Variants in RAB38 observed in about 807,000 individuals in gnomAD.
RAB38 encodes RAB38, member RAS oncogene family.
Under a neutral mutation model 18.4 loss-of-function variants are expected in RAB38, and 15 were observed. That is an observed-to-expected ratio of 0.82 (90% CI 0.55 to 1.26). The LOEUF (loss-of-function observed/expected upper bound fraction) is 1.26, where lower values mean the gene tolerates loss of function less well. Ranked by LOEUF, RAB38 falls within the 50% of genes most tolerant of loss-of-function variation. The pLI is 0.00. For synonymous variants in RAB38, 101 were observed against 104.4 expected, an observed-to-expected ratio of 0.97 and a Z score of 0.20; for missense variants, 294 against 267.4, an observed-to-expected ratio of 1.10 and a Z score of -0.69.
chr11:87,852,177 T>C, the RAB38 span, among the ~76,000 whole-genome samples: 1 of 152,074 alleles, frequency 6.6e-6, no homozygotes, highest in African/African-American at 2.4e-5. Flanking sequence ...AGAGAGCACC[T>C]GTCACATGAA....
the RAB38 span, among the ~76,000 whole-genome samples, chr11:88,042,048 AAT>A: frequency 5.3e-5 from 8 of 152,180 alleles, no homozygotes; most frequent in Admixed American, 4.6e-4. Context: ...GGAGGCATAT[AAT>A]AGATTTCTTC....
intron 1 of RAB38, among the ~76,000 whole-genome samples, chr11:88,156,612 G>C (rs1461756689): frequency 6.6e-6 from 1 of 152,180 alleles, no homozygotes; most frequent in Non-Finnish European, 1.5e-5. Flanking sequence ...TGAGGCAGGA[G>C]AAACACTTGA....
the RAB38 span, among the ~76,000 whole-genome samples, chr11:88,088,867 T>TCTCATAGA: frequency 3.3e-5 from 5 of 151,634 alleles, no homozygotes; most frequent in Non-Finnish European, 7.4e-5. Flanking sequence ...AAAATATGTC[T>TCTCATAGA]CTCATAGACG....
the RAB38 span, among the ~76,000 whole-genome samples, chr11:87,838,318 G>A: frequency 2.0e-5 from 3 of 152,140 alleles, no homozygotes; most frequent in East Asian, 5.8e-4. Context: ...GTTTCACCGT[G>A]TTAGCCAGGA....
chr11:87,840,082 A>G, the RAB38 span, among the ~76,000 whole-genome samples: 2 of 152,200 alleles, frequency 1.3e-5, no homozygotes, highest in Non-Finnish European at 2.9e-5. Context: ...TCTCTTACAC[A>G]AAGAAGGCTC....
chr11:88,031,881 T>C, the RAB38 span, among the ~76,000 whole-genome samples: 1 of 152,096 alleles, frequency 6.6e-6, no homozygotes, highest in Admixed American at 6.5e-5. Flanking sequence ...AAAAACTACT[T>C]TGAAGTTCAT....
chr11:87,854,570 C>CA, the RAB38 span, among the ~76,000 whole-genome samples: 2 of 152,008 alleles, frequency 1.3e-5, no homozygotes, highest in Non-Finnish European at 2.9e-5. Flanking sequence ...CAAGTAAAGA[C>CA]ATGATAAATG....
At chr11:87,850,668 CTGAT>C in the RAB38 span, among the ~76,000 whole-genome samples, 1 of 151,446 alleles carries the variant, frequency 6.6e-6, no homozygotes, top group South Asian at 2.1e-4. Context: ...ACACCCAAGA[CTGAT>C]TGAAGAATTA....
the RAB38 span, chr11:88,060,184 TG>T: frequency 9.2e-5 from 14 of 152,214 alleles, no homozygotes; most frequent in Non-Finnish European, 1.9e-4. Flanking sequence ...AGCACGTTTT[TG>T]ATCAGAACTG....
the RAB38 span, among the ~76,000 whole-genome samples, chr11:87,828,560 A>G: frequency 6.6e-6 from 1 of 152,252 alleles, no homozygotes; most frequent in South Asian, 2.1e-4. Flanking sequence ...TGCCTGTTGC[A>G]TATAGCCAGT....
intron 2 of RAB38, among the ~76,000 whole-genome samples, chr11:88,126,985 T>A (rs969779907): frequency 3.3e-5 from 5 of 152,186 alleles, no homozygotes; most frequent in Admixed American, 2.6e-4. Context: ...TATATGAGAC[T>A]GGAGGGGCAA....
chr11:87,943,656 T>C, the RAB38 span, among the ~76,000 whole-genome samples: 1 of 152,152 alleles, frequency 6.6e-6, no homozygotes, highest in South Asian at 2.1e-4. Flanking sequence ...TTAGGGGATT[T>C]GGGAGAGGCC....
chr11:87,838,779 T>C, the RAB38 span, among the ~76,000 whole-genome samples: 3 of 152,364 alleles, frequency 2.0e-5, no homozygotes, highest in East Asian at 5.8e-4. Flanking sequence ...GAAATAGTTT[T>C]GCCAGCTCAT....
At chr11:88,153,212 A>C (rs1943084610) in intron 1 of RAB38, among the ~76,000 whole-genome samples, 1 of 152,200 alleles carries the variant, frequency 6.6e-6, no homozygotes, top group Non-Finnish European at 1.5e-5. Context: ...CTTATCTATA[A>C]AATGAACTTG....
chr11:87,851,975 G>A, the RAB38 span, among the ~76,000 whole-genome samples: 4 of 152,238 alleles, frequency 2.6e-5, no homozygotes, highest in African/African-American at 7.2e-5. Context: ...AAGACCTAAA[G>A]AAACAGTTAA....
intron 2 of RAB38, among the ~76,000 whole-genome samples, chr11:88,131,598 T>C (rs1942768573): frequency 6.6e-6 from 1 of 152,232 alleles, no homozygotes; most frequent in African/African-American, 2.4e-5. Context: ...TGAATGTGCT[T>C]GATCTCATCT....
chr11:88,029,768 C>T, the RAB38 span, among the ~76,000 whole-genome samples: 4 of 152,026 alleles, frequency 2.6e-5, no homozygotes, highest in Non-Finnish European at 5.9e-5. Flanking sequence ...TAGACTCCCA[C>T]ACATTAATAA....
At chr11:87,823,861 A>C in the RAB38 span, among the ~76,000 whole-genome samples, 1 of 152,226 alleles carries the variant, frequency 6.6e-6, no homozygotes, top group Non-Finnish European at 1.5e-5. Flanking sequence ...AGAGTGAAAG[A>C]GGCTAGACTC....
At chr11:88,169,716 A>G (rs974443354) in intron 1 of RAB38, among the ~76,000 whole-genome samples, 1 of 152,224 alleles carries the variant, frequency 6.6e-6, no homozygotes, top group East Asian at 1.9e-4. Flanking sequence ...ACATCACACT[A>G]GCCTTGAGGT....
Sources: allele counts gnomAD v4.1 joint callset (sites outside exome capture counted in the v4.1 genomes callset), GRCh38; gene constraint gnomAD v4.1.1; transcripts MANE v1.5; gene names NCBI Gene and HGNC (gene_info 2026-07-23, HGNC 2026-07-21).